Variants in LNPK observed in about 807,000 individuals in gnomAD.
LNPK encodes endoplasmic reticulum junction formation protein lunapark.
In LNPK, 29 loss-of-function variants were observed where a neutral mutation model predicts 55.2. The observed-to-expected ratio is 0.53, with a 90% CI of 0.39 to 0.72. LNPK has a LOEUF of 0.72. Ranked by LOEUF, LNPK falls within the 30% of genes least tolerant of loss-of-function variation. The pLI, the probability that LNPK is intolerant of heterozygous loss-of-function variation, is 0.00. For missense variants in LNPK, 467 were observed against 494.8 expected (o/e 0.94, Z 0.53); for synonymous variants, 162 against 168.2 (o/e 0.96, Z 0.29).
intron 8 of LNPK, among the ~76,000 whole-genome samples, chr2:175,959,092 T>C (rs553659253): frequency 6.6e-6 from 1 of 152,310 alleles, no homozygotes; most frequent in South Asian, 2.1e-4. Flanking sequence ...TACGTTTCAT[T>C]GGTGTACCTG....
intron 2 of LNPK, chr2:175,994,063 A>G (rs1164429039): frequency 1.2e-5 from 5 of 426,400 alleles, no homozygotes; most frequent in Admixed American, 1.3e-4. Flanking sequence ...TTGTTTGCCA[A>G]TGATATTTTT....
At chr2:175,955,851 T>A (rs771658277) in intron 8 of LNPK, among the ~76,000 whole-genome samples, 105 of 152,338 alleles carry the variant, frequency 6.9e-4, no homozygotes, top group Non-Finnish European at 1.1e-3. Context: ...ATAACTGATT[T>A]TGAATTTAGC....
rs79948412 is a variant in LNPK, at chr2:175,980,768, G to A, written c.258-900C>T. 1.8e-4 allele frequency among the ~76,000 whole-genome samples: 27 copies of A among 152,080 alleles called. No homozygotes were observed. In the South Asian group the frequency reaches 5.0e-3, roughly 28 times the overall value. On this transcript the variant is annotated intron_variant, in intron 4 of 12. Transcript: ENST00000272748. ...CTGAACATACAAAAACTAGCCAGGC[G>A]TGATGGCACACGCCTGTAGTCCCAG...
chr2:175,970,860 C>T (rs149731807), intron 5 of LNPK, 56 bp from the exon 6 acceptor site: 60 of 1,330,744 alleles, frequency 4.5e-5, no homozygotes, highest in African/African-American at 2.7e-4. Flanking sequence ...GAAAAAATCA[C>T]GCCAAATGAC....
At chr2:175,985,437 G>A (rs1388991130) in intron 4 of LNPK, among the ~76,000 whole-genome samples, 2 of 152,148 alleles carry the variant, frequency 1.3e-5, no homozygotes, top group African/African-American at 4.8e-5. Flanking sequence ...AAAGACGTTG[G>A]TCTGTTTTGA....
At position 175,993,242 on chromosome 2, in the gene LNPK, CAA is replaced by C. The variant is rs771388352; in HGVS notation, c.28-21_28-20del. On this transcript the variant is annotated intron_variant, in intron 2 of 12. Transcript: ENST00000272748. ...GTTTTGTCTGTTATACAAACAGAAA[CAA>C]GAGACAGCATTAAAACTTATCACAA... 4 of 1,481,330 alleles carry C rather than the reference CAA, an allele frequency of 2.7e-6. No homozygotes were observed. The highest frequency in any genetic ancestry group is 1.8e-6 in the Non-Finnish European group (2 of 1,089,498). 91.8% of individuals were successfully genotyped at this position (1,481,330 alleles called of 1,614,324 possible).
chr2:175,979,370 G>A (rs1687062765), intron 5 of LNPK, among the ~76,000 whole-genome samples: 1 of 152,054 alleles, frequency 6.6e-6, no homozygotes, highest in East Asian at 1.9e-4. Flanking sequence ...ACCAGCCTGG[G>A]AAACATGGTG....
At chr2:175,946,150 C>T (rs1241841854) in intron 9 of LNPK, among the ~76,000 whole-genome samples, 10 of 152,144 alleles carry the variant, frequency 6.6e-5, no homozygotes, top group South Asian at 4.2e-4. Context: ...GCTATTATTC[C>T]TTCTATAGCC....
chr2:175,974,898 AT>A (rs1355889226), intron 5 of LNPK, among the ~76,000 whole-genome samples: 17 of 152,182 alleles, frequency 1.1e-4, no homozygotes, highest in South Asian at 1.0e-3. Flanking sequence ...CAAAAAAAAA[AT>A]CCCTTTCATA....
chr2:175,968,519 A>C (rs1686484166), intron 6 of LNPK, among the ~76,000 whole-genome samples: 1 of 152,212 alleles, frequency 6.6e-6, no homozygotes, highest in Non-Finnish European at 1.5e-5. Flanking sequence ...AGTGATTATT[A>C]AAAACTCAAG....
chr2:175,979,588 T>G (rs1242936421), intron 5 of LNPK, among the ~76,000 whole-genome samples: 10 of 151,610 alleles, frequency 6.6e-5, no homozygotes, highest in Non-Finnish European at 1.0e-4. Context: ...AAAAAAAGTT[T>G]GTTTTGTGTA....
intron 12 of LNPK, among the ~76,000 whole-genome samples, chr2:175,932,995 G>C (rs1355485099): frequency 6.7e-6 from 1 of 148,612 alleles, no homozygotes; most frequent in Admixed American, 6.7e-5. Flanking sequence ...ACAATTACCT[G>C]AATGACCTAA....
At chr2:175,975,097 G>A (rs1334293910) in intron 5 of LNPK, among the ~76,000 whole-genome samples, 1 of 149,482 alleles carries the variant, frequency 6.7e-6, no homozygotes, top group African/African-American at 2.5e-5. Flanking sequence ...TCCACCATCT[G>A]CTATATTACT....
At position 175,979,846 on chromosome 2, in the gene LNPK, T is replaced by C; in HGVS notation, c.280A>G (p.Ile94Val). The change falls in exon 5 of 13, where the codon ATT (isoleucine) becomes GTT (valine). Residue 94 changes from isoleucine to valine, a missense_variant. Transcript: ENST00000272748. ...GTTCTCTTGGAAAAGAAGAAAATAA[T>C]TACTGTTCTTATGCTCCAGATGCTA... ...PLIIWSIRTV[I>V]IFFFSKRTER... The C allele has an allele frequency of 6.3e-7, 1 of 1,583,692 alleles. No individual in the cohort carries two copies. The highest frequency in any genetic ancestry group is 8.6e-7 in the Non-Finnish European group (1 of 1,167,204).
chr2:175,979,836 A>G lies in LNPK; in HGVS notation c.290T>C (p.Phe97Ser). 1 of 1,582,888 alleles carries G rather than the reference A, an allele frequency of 6.3e-7. No homozygotes were observed. The highest frequency in any genetic ancestry group is 1.2e-5 in the South Asian group (1 of 84,388). The change falls in exon 5 of 13, where the codon TTC becomes TCC. Residue 97 changes from phenylalanine (F) to serine (S), a missense_variant. Transcript: ENST00000272748. ...IWSIRTVIIF[F>S]FSKRTERNNE... The stretch of plus-strand genomic sequence containing the variant: ...ATTTCTTTCTGTTCTCTTGGAAAAG[A>G]AGAAAATAATTACTGTTCTTATGCT...
chr2:175,995,414 A>G, intron 2 of LNPK, 144 bp downstream of exon 2: 2 of 540,300 alleles, frequency 3.7e-6, no homozygotes, highest in Non-Finnish European at 6.4e-6. Context: ...AAAAAATAGA[A>G]AAGTAATTCA....
At chr2:175,944,986 C>T (rs888943102) in intron 9 of LNPK, among the ~76,000 whole-genome samples, 2 of 151,548 alleles carry the variant, frequency 1.3e-5, no homozygotes, top group African/African-American at 4.8e-5. Flanking sequence ...GTAACCTCCA[C>T]CTCCCAGGTT....
chr2:175,966,418 C>T (rs563237835), intron 6 of LNPK, among the ~76,000 whole-genome samples: 1 of 152,258 alleles, frequency 6.6e-6, no homozygotes, highest in South Asian at 2.1e-4. Flanking sequence ...CTGATTTGGA[C>T]AGATAACTCT....
chr2:175,957,664 G>C (rs2105599860), intron 8 of LNPK, among the ~76,000 whole-genome samples: 1 of 152,144 alleles, frequency 6.6e-6, no homozygotes, highest in South Asian at 2.1e-4. Context: ...GGTGATTTCT[G>C]GATTTCCAAC....
Sources: allele counts gnomAD v4.1 joint callset (sites outside exome capture counted in the v4.1 genomes callset), GRCh38; gene constraint gnomAD v4.1.1; transcripts MANE v1.5; gene names NCBI Gene and HGNC (gene_info 2026-07-23, HGNC 2026-07-21).